The following CAMK1D variants were observed in gnomAD, a reference collection of about 807,000 sequenced individuals.
The protein encoded by CAMK1D is calcium/calmodulin-dependent protein kinase type 1D.
Under a neutral mutation model 47.7 loss-of-function variants are expected in CAMK1D, and 9 were observed. The ratio of observed to expected loss-of-function variants is 0.19; its 90% CI spans 0.11 to 0.33. The LOEUF (loss-of-function observed/expected upper bound fraction) is 0.33, where lower values mean the gene tolerates loss of function less well. Among genes scored for constraint, CAMK1D ranks in the 10% least tolerant of loss-of-function variants. The probability of loss-of-function intolerance (pLI) is 1.00; values close to 1 mark genes in which losing one functional copy is unlikely to be tolerated. For missense variants in CAMK1D, 291 were observed against 488.7 expected (o/e 0.60, Z 3.81); for synonymous variants, 184 against 184.9 (o/e 0.99, Z 0.04).
chr10:12,414,022 G>T (rs895163424), intron 1 of CAMK1D, among the ~76,000 whole-genome samples: 25 of 152,168 alleles, frequency 1.6e-4, no homozygotes, highest in African/African-American at 5.6e-4. Context: ...TGGTAGTTTG[G>T]ATGTACTGAC....
At chr10:12,670,620 TCACTGCAAC>T (rs1168822330) in intron 3 of CAMK1D, among the ~76,000 whole-genome samples, 6 of 152,082 alleles carry the variant, frequency 3.9e-5, no homozygotes, top group Non-Finnish European at 8.8e-5. Flanking sequence ...TGATCTTGGC[TCACTGCAAC>T]CTCTGCCTCC....
At chr10:12,426,337 C>G (rs1167452279) in intron 1 of CAMK1D, among the ~76,000 whole-genome samples, 2 of 152,122 alleles carry the variant, frequency 1.3e-5, no homozygotes, top group Non-Finnish European at 2.9e-5. Context: ...ACGTCCACCT[C>G]CCAGGTTCAA....
chr10:12,374,457 G>C (rs186007789), intron 1 of CAMK1D, among the ~76,000 whole-genome samples: 22 of 152,082 alleles, frequency 1.4e-4, no homozygotes, highest in Non-Finnish European at 2.8e-4. Flanking sequence ...CCCAGTCTCT[G>C]TGTCCTTGCT....
chr10:12,505,345 T>A (rs1834837474), intron 1 of CAMK1D, among the ~76,000 whole-genome samples: 2 of 151,930 alleles, frequency 1.3e-5, no homozygotes, highest in South Asian at 2.1e-4. Context: ...GAAGTGAAAA[T>A]TCCTCTGCAA....
At position 12,600,309 on chromosome 10, in the gene CAMK1D, A is replaced by C. The variant is rs1033962340; in HGVS notation, c.224+46953A>C. Among the ~76,000 whole-genome samples the C allele has an allele frequency of 1.3e-4, 20 of 152,274 alleles. 1 individual carries two copies. The highest frequency in any genetic ancestry group is 9.8e-4 in the Admixed American group (15 of 15,300). On this transcript the variant is annotated intron_variant, in intron 2 of 10. Coordinates refer to ENST00000619168, the MANE Select transcript of CAMK1D (RefSeq NM_153498.4). ...ATTCCCTTTGAGACCTCCTCAACTC[A>C]AGGGGGACTTCAGAAACAATGGAAT...
chr10:12,581,485 A>G (rs1264894183), intron 2 of CAMK1D, among the ~76,000 whole-genome samples: 1 of 152,028 alleles, frequency 6.6e-6, no homozygotes, highest in Admixed American at 6.6e-5. Flanking sequence ...TAGCGGTTTT[A>G]CTTGTTTACA....
chr10:12,559,184 T>C (rs763686472), intron 2 of CAMK1D, among the ~76,000 whole-genome samples: 6 of 152,000 alleles, frequency 3.9e-5, no homozygotes, highest in Non-Finnish European at 8.8e-5. Flanking sequence ...TGGTTGCCAG[T>C]AGTCCCATCT....
intron 5 of CAMK1D, 124 bp from the exon 6 acceptor site, chr10:12,791,034 T>C (rs1337119470): frequency 1.3e-6 from 1 of 764,300 alleles, no homozygotes; most frequent in Non-Finnish European, 2.2e-6. Flanking sequence ...ATAAAATGGG[T>C]TATGTCTCTC....
chr10:12,512,166 C>A (rs1490184314), intron 1 of CAMK1D, among the ~76,000 whole-genome samples: 2 of 152,168 alleles, frequency 1.3e-5, no homozygotes, highest in Non-Finnish European at 1.5e-5. Flanking sequence ...GTGACTTTAG[C>A]ATGAGAGCAC....
At chr10:12,414,954 T>A (rs1361298629) in intron 1 of CAMK1D, among the ~76,000 whole-genome samples, 7 of 152,326 alleles carry the variant, frequency 4.6e-5, no homozygotes, top group Admixed American at 3.9e-4. Flanking sequence ...AACACTCGTT[T>A]GGAATTTCTT....
At chr10:12,376,510 G>T (rs751164242) in intron 1 of CAMK1D, among the ~76,000 whole-genome samples, 3 of 152,086 alleles carry the variant, frequency 2.0e-5, no homozygotes, top group African/African-American at 7.2e-5. Context: ...AGGGAGTGCC[G>T]CCAGGGGCAC....
chr10:12,691,436 T>G (rs1167978634), intron 3 of CAMK1D, among the ~76,000 whole-genome samples: 2 of 70,256 alleles, frequency 2.8e-5, no homozygotes, highest in South Asian at 5.4e-4. Flanking sequence ...TTTTTTTTTT[T>G]TTTTTTTTTT....
intron 1 of CAMK1D, among the ~76,000 whole-genome samples, chr10:12,539,020 G>A (rs1836077873): frequency 6.6e-6 from 1 of 152,144 alleles, no homozygotes; most frequent in South Asian, 2.1e-4. Context: ...TCCTGCCTTG[G>A]TCTCCCAAAG....
chr10:12,447,273 C>T (rs2132024795), intron 1 of CAMK1D, among the ~76,000 whole-genome samples: 1 of 152,282 alleles, frequency 6.6e-6, no homozygotes, highest in South Asian at 2.1e-4. Context: ...AATTTATTTC[C>T]CATGTCACTC....
intron 2 of CAMK1D, among the ~76,000 whole-genome samples, chr10:12,576,308 C>T (rs951933301): frequency 6.6e-6 from 1 of 152,106 alleles, no homozygotes; most frequent in Non-Finnish European, 1.5e-5. Context: ...ATAGTTAACA[C>T]AGTTTGGAGA....
chr10:12,825,663 A>C lies in CAMK1D; in HGVS notation c.1012A>C (p.Ser338Arg), dbSNP rs753775858. 3.1e-6 allele frequency: 5 copies of C among 1,614,266 alleles called. No homozygotes were observed. The highest frequency in any genetic ancestry group is 4.2e-6 in the Non-Finnish European group (5 of 1,180,054). ...LDSSNASVSS[S>R]LSLASQKDCL... Reference sequence around the variant, plus strand: ...CAGTTCAAATGCAAGTGTTTCGAGCAGCCTCAGTTTGGCCAGCCAAAAAGA... The same window carrying C: ...CAGTTCAAATGCAAGTGTTTCGAGCCGCCTCAGTTTGGCCAGCCAAAAAGA... Residue 338 changes from serine (S) to arginine (R), a missense_variant, in exon 10 of 11, where the codon AGC (serine) becomes CGC (arginine). Coordinates refer to ENST00000619168, the MANE Select transcript of CAMK1D (RefSeq NM_153498.4).
intron 1 of CAMK1D, among the ~76,000 whole-genome samples, chr10:12,383,260 A>AT (rs1838393701): frequency 5.9e-5 from 9 of 151,558 alleles, no homozygotes; most frequent in African/African-American, 2.2e-4. Flanking sequence ...AGATCTTTCC[A>AT]ATTTTTTTTT....
intron 2 of CAMK1D, among the ~76,000 whole-genome samples, chr10:12,555,721 A>G (rs1214001546): frequency 6.6e-6 from 1 of 152,202 alleles, no homozygotes; most frequent in Non-Finnish European, 1.5e-5. Context: ...GAGCCTTCCA[A>G]AGGTTTTACG....
chr10:12,817,946 C>G (rs1424391466), intron 8 of CAMK1D, among the ~76,000 whole-genome samples: 1 of 152,162 alleles, frequency 6.6e-6, no homozygotes, highest in African/African-American at 2.4e-5. Context: ...GTTTCGGCCT[C>G]CCAAAGTGCT....
Sources: gnomAD v4.1 joint callset for allele counts (sites outside exome capture counted in the v4.1 genomes callset) on GRCh38, gnomAD v4.1.1 for gene constraint, MANE v1.5 for transcripts, NCBI Gene and HGNC (gene_info 2026-07-23, HGNC 2026-07-21) for gene names.